NCOR1: variants seen among roughly 807,000 people sequenced by gnomAD.
The protein encoded by NCOR1 is nuclear receptor corepressor 1, also known as protein phosphatase 1, regulatory subunit 109.
A neutral mutation model predicts 288.1 loss-of-function variants in NCOR1; 63 were observed. The ratio of observed to expected loss-of-function variants is 0.22; its 90% confidence interval spans 0.18 to 0.27. NCOR1 has a LOEUF of 0.27. NCOR1 is among the 10% of genes least tolerant of loss of function. NCOR1 has a pLI of 1.00. For synonymous variants in NCOR1, 1,007 were observed against 1,065.9 expected, an observed-to-expected ratio of 0.94 and a Z score of 1.08; for missense variants, 2,397 against 3,019.2, an observed-to-expected ratio of 0.79 and a Z score of 4.83.
At chr17:16,171,634 G>A (rs76642068) in intron 4 of NCOR1, among the ~76,000 whole-genome samples, 169 bp downstream of exon 4, 1,793 of 152,174 alleles carry the variant, frequency 0.012, 37 homozygotes, top group African/African-American at 0.041. Context: ...TAGCAGTCTG[G>A]AGCACTCATC....
chr17:16,205,593 C>G (rs985252597), intron 1 of NCOR1, among the ~76,000 whole-genome samples: 2 of 149,824 alleles, frequency 1.3e-5, no homozygotes, highest in Admixed American at 1.3e-4. Flanking sequence ...TGCACTCCAG[C>G]CTGGGCAACA....
At chr17:16,081,174 T>C (rs1340029868) in intron 23 of NCOR1, among the ~76,000 whole-genome samples, 1 of 150,292 alleles carries the variant, frequency 6.7e-6, no homozygotes, top group Non-Finnish European at 1.5e-5. Flanking sequence ...TCAACCTTTT[T>C]TTTTCTTTTC....
In NCOR1 at chr17:16,075,669, T is replaced by C; in HGVS notation, c.3535A>G (p.Thr1179Ala). Residue 1179 changes from threonine to alanine, a missense_variant, in exon 27 of 46, where the codon ACA becomes GCA. This residue lies in a region of NCOR1 where 1,872 missense variants were observed against 2,187.8 expected (regional missense o/e 0.86). Coordinates refer to ENST00000268712, the MANE Select transcript of NCOR1 (RefSeq NM_006311.4). ...ATGGACCCCTTCACCAAAGCCTCTG[T>C]TGGTATGCCAGTCTGGGGCAGAGCC... is the stretch of plus-strand genomic sequence containing the variant. The part of the protein sequence containing the change: ...TPALPQTGIP[T>A]EALVKGSISR... 3 of 1,614,198 alleles carry C rather than the reference T, an allele frequency of 1.9e-6. No individual in the cohort carries two copies. Among genetic ancestry groups the C allele is most frequent in the Non-Finnish European group, 2.5e-6 (3 of 1,180,030 alleles).
Position 16,143,609 on chromosome 17 carries a change from C to T in NCOR1, c.1170G>A (p.Gln390=), listed in dbSNP as rs2077451915. The T allele has an allele frequency of 1.2e-6, 2 of 1,611,068 alleles. No homozygotes were observed. The highest frequency in any genetic ancestry group is 1.7e-6 in the Non-Finnish European group (2 of 1,177,586). Residue 390 remains glutamine (Q), a synonymous_variant, in exon 11 of 46, where the codon CAG becomes CAA. Transcript: ENST00000268712. ...ISEIIDGLSE[Q]ENNEKQMRQL... ...TGAATTAAATTTATTTTCTTACCTC[C>T]TGCTCAGAGAGCCCATCAATAATTT...
At chr17:16,156,288 T>G (rs2079765756) in intron 6 of NCOR1, among the ~76,000 whole-genome samples, 1 of 151,380 alleles carries the variant, frequency 6.6e-6, no homozygotes, top group Non-Finnish European at 1.5e-5. Flanking sequence ...ATACAAAAAT[T>G]AGCTGACTGT....
chr17:16,069,808 T>C (rs2061538703), intron 31 of NCOR1, among the ~76,000 whole-genome samples: 1 of 152,204 alleles, frequency 6.6e-6, no homozygotes, highest in Non-Finnish European at 1.5e-5. Flanking sequence ...GCTTATGCAG[T>C]CTTGTTCCAG....
intron 44 of NCOR1, among the ~76,000 whole-genome samples, chr17:16,037,966 T>C (rs1301801863): frequency 6.6e-6 from 1 of 152,200 alleles, no homozygotes; most frequent in Non-Finnish European, 1.5e-5. Flanking sequence ...CAATTGTAAT[T>C]GACTAAGTCA....
chr17:16,207,720 G>T (rs1039151087), intron 1 of NCOR1, among the ~76,000 whole-genome samples: 1 of 144,898 alleles, frequency 6.9e-6, no homozygotes, highest in African/African-American at 2.6e-5. Flanking sequence ...CAGCCTGGGT[G>T]AGAGCGAGAC....
rs2152697662 is a variant in NCOR1 at position 16,067,926 on chromosome 17, G to A, written c.4709C>T (p.Pro1570Leu). The A allele has an allele frequency of 3.1e-6, 5 of 1,614,088 alleles. No individual in the cohort carries two copies. The highest frequency in any genetic ancestry group is 4.2e-6 in the Non-Finnish European group (5 of 1,180,000). ...YRSHLPTHLD[P>L]AMPFHRALDP... ...CAAAGCCCTGTGAAAAGGCATGGCT[G>A]GATCCAAGTGCGTGGGCAGGTGGCT... The change falls in exon 32 of 46, where the codon CCA becomes CTA. Residue 1570 changes from proline to leucine, a missense_variant. Around this residue, in one of 11 missense-constraint regions of NCOR1, gnomAD observed 1,872 missense variants for 2,187.8 expected, o/e 0.86. Transcript: ENST00000268712.
chr17:16,076,072 G>A (rs554681617), intron 26 of NCOR1, among the ~76,000 whole-genome samples: 7 of 152,248 alleles, frequency 4.6e-5, no homozygotes, highest in South Asian at 4.2e-4. Context: ...CAGTTTTTGC[G>A]TTGTTGAAAT....
intron 42 of NCOR1, among the ~76,000 whole-genome samples, chr17:16,041,686 A>T (rs1453090899): frequency 6.6e-6 from 1 of 151,994 alleles, no homozygotes; most frequent in African/African-American, 2.4e-5. Flanking sequence ...AAGTGCTGGG[A>T]TTACAGGCAT....
chr17:16,123,192 T>C (rs1404289602), intron 15 of NCOR1, among the ~76,000 whole-genome samples: 1 of 152,070 alleles, frequency 6.6e-6, no homozygotes, highest in Non-Finnish European at 1.5e-5. Context: ...TAATCATTTG[T>C]TGTTAACATT....
At chr17:16,200,786 G>A (rs1189808689) in intron 1 of NCOR1, among the ~76,000 whole-genome samples, 1 of 151,762 alleles carries the variant, frequency 6.6e-6, no homozygotes, top group East Asian at 1.9e-4. Context: ...TTCCCACAAA[G>A]CTGTCCAGCT....
intron 6 of NCOR1, among the ~76,000 whole-genome samples, chr17:16,156,700 T>C (rs2079867983): frequency 6.6e-6 from 1 of 152,094 alleles, no homozygotes; most frequent in African/African-American, 2.4e-5. Context: ...TATGGAAATG[T>C]TCAAACAGAA....
At chr17:16,161,230 G>GACACACAGAC (rs2080787448) in intron 5 of NCOR1, among the ~76,000 whole-genome samples, 1 of 143,122 alleles carries the variant, frequency 7.0e-6, no homozygotes, top group African/African-American at 2.5e-5. Context: ...AACACACACA[G>GACACACAGAC]ACACACACAC....
chr17:16,152,828 T>C (rs1322082438), intron 7 of NCOR1, among the ~76,000 whole-genome samples: 2 of 152,162 alleles, frequency 1.3e-5, no homozygotes, highest in African/African-American at 2.4e-5. Context: ...GTTTCCTGAC[T>C]TTTTAATGAT....
At chr17:16,182,024 A>C (rs1414135272) in intron 3 of NCOR1, among the ~76,000 whole-genome samples, 2 of 152,338 alleles carry the variant, frequency 1.3e-5, no homozygotes, top group Non-Finnish European at 2.9e-5. Flanking sequence ...AGATCAAAAA[A>C]AATAATTTTA....
In NCOR1 at chr17:16,108,749, A is replaced by C. The variant is rs769362302; in HGVS notation, c.2182+37T>G. 3.9e-6 allele frequency: 6 copies of C among 1,555,438 alleles called. No individual in the cohort carries two copies. In the South Asian group the frequency reaches 7.3e-5, roughly 19 times the overall value. The stretch of plus-strand genomic sequence containing the variant: ...TGACTAAAAATTATTTATTCTGGAT[A>C]GCAGATGTCACAACTAAATTTAAAA... On this transcript the variant is annotated intron_variant, in intron 19 of 45. Coordinates refer to ENST00000268712, the MANE Select transcript of NCOR1 (RefSeq NM_006311.4).
At chr17:16,150,810 G>A (rs969816095) in intron 8 of NCOR1, among the ~76,000 whole-genome samples, 1 of 151,956 alleles carries the variant, frequency 6.6e-6, no homozygotes, top group African/African-American at 2.4e-5. Flanking sequence ...TATATTATAT[G>A]TGAGTTTTGA....
Sources: allele counts gnomAD v4.1 joint callset (sites outside exome capture counted in the v4.1 genomes callset), GRCh38; gene constraint gnomAD v4.1.1; regional missense constraint gnomAD v4.1.1; transcripts MANE v1.5; gene names NCBI Gene and HGNC (gene_info 2026-07-23, HGNC 2026-07-21).